Variants in IPO8 observed in about 807,000 individuals in gnomAD.
IPO8 encodes importin-8.
IPO8 carries 65 observed loss-of-function variants against 141.2 expected under a neutral mutation model. The ratio of observed to expected loss-of-function variants is 0.46; its 90% confidence interval spans 0.38 to 0.57. The LOEUF (loss-of-function observed/expected upper bound fraction) is 0.57. IPO8 is among the 20% of genes least tolerant of loss of function. The probability of loss-of-function intolerance (pLI) is 0.00; values close to 1 mark genes in which losing one functional copy is unlikely to be tolerated. For synonymous variants in IPO8, 411 were observed against 420.3 expected (o/e 0.98, Z 0.27); for missense variants, 980 against 1,246.8 (o/e 0.79, Z 3.22).
chr12:30,660,631 C>T (rs1377930694), intron 16 of IPO8, among the ~76,000 whole-genome samples: 1 of 152,138 alleles, frequency 6.6e-6, no homozygotes, highest in Non-Finnish European at 1.5e-5. Flanking sequence ...AAAGTCTTAT[C>T]CCAATAACAC....
intron 6 of IPO8, among the ~76,000 whole-genome samples, chr12:30,675,084 G>A (rs2053101793): frequency 6.6e-6 from 1 of 152,188 alleles, no homozygotes; most frequent in African/African-American, 2.4e-5. Context: ...ACAAGTGTAT[G>A]TCAAAATTCA....
In IPO8 at chr12:30,669,207, A is replaced by G. The variant is rs1362764982; in HGVS notation, c.1120T>C (p.Tyr374His). The stretch of plus-strand genomic sequence containing the variant: ...CCAAATTTCATCCTTATATACTCAT[A>G]TGGATCTTCTTGCCACAGCTCTTCA... Reference protein sequence around the residue: ...EDEELWQEDPYEYIRMKFDIF... With the variant: ...EDEELWQEDPHEYIRMKFDIF... Residue 374 changes from tyrosine to histidine, a missense_variant, in exon 10 of 25, where the codon TAT (tyrosine) becomes CAT (histidine). Transcript: ENST00000256079. 2 of 1,582,192 alleles carry G rather than the reference A, an allele frequency of 1.3e-6. No homozygotes were observed. The highest frequency in any genetic ancestry group is 4.5e-5 in the East Asian group (2 of 44,600).
chr12:30,644,471 G>A (rs1158401568), intron 20 of IPO8, among the ~76,000 whole-genome samples: 2 of 151,888 alleles, frequency 1.3e-5, no homozygotes, highest in Non-Finnish European at 1.5e-5. Flanking sequence ...AAGCTTGGGG[G>A]TAGGCAGAAG....
At position 30,695,299 on chromosome 12, in the gene IPO8, T is replaced by C. The variant is rs1195322278; in HGVS notation, c.84+265A>G. 6.6e-6 allele frequency among the ~76,000 whole-genome samples: 1 copy of C among 152,208 alleles called. No homozygotes were observed. The highest frequency in any genetic ancestry group is 2.4e-5 in the African/African-American group (1 of 41,452). ...CAAAAACTGCTTCTTGCGGACCAAGTAGGCAGAACAAACTGCCCTGGAGAA... is the reference window on the plus strand; with the variant it reads ...CAAAAACTGCTTCTTGCGGACCAAGCAGGCAGAACAAACTGCCCTGGAGAA... On this transcript the variant is annotated intron_variant, in intron 1 of 24. Transcript: ENST00000256079. The surrounding 1 kb of genome is among the most constrained non-coding windows in gnomAD (Gnocchi z 4.2).
Position 30,695,095 on chromosome 12 carries a change from TC to T in IPO8, c.84+468del. ...ACTCGGCCAATCGGTGTCAAAACAG[TC>T]CTGCCAACCCGACAGGAGGAGGCGG... On this transcript the variant is annotated intron_variant, in intron 1 of 24. Transcript: ENST00000256079. This position sits in a 1 kb window ranked among gnomAD's most constrained non-coding sequence, Gnocchi z 4.2. 2 of 449,458 alleles carry T rather than the reference TC, an allele frequency of 4.4e-6. No individual in the cohort carries two copies. The highest frequency in any genetic ancestry group is 8.9e-6 in the Non-Finnish European group (2 of 224,566). The allele number at this position is 449,458 out of a possible 1,614,324, so 27.8% of individuals were successfully genotyped here. A position where few individuals can be genotyped will look rare whatever the true frequency, so the allele number is the denominator to read the frequency against.
At chr12:30,653,157 C>T (rs908705812) in intron 17 of IPO8, 65 bp from the exon 18 acceptor site, 30 of 1,490,200 alleles carry the variant, frequency 2.0e-5, no homozygotes, top group Non-Finnish European at 2.7e-5. Context: ...AAAGACCACA[C>T]AGAGGAGGGT....
chr12:30,644,913 A>G (rs1395524665), intron 20 of IPO8, among the ~76,000 whole-genome samples: 3 of 151,658 alleles, frequency 2.0e-5, no homozygotes, highest in Non-Finnish European at 2.9e-5. Flanking sequence ...TCAGCCTCCC[A>G]AAGTGCTGGG....
At chr12:30,665,357 G>A (rs749210446) in intron 12 of IPO8, 48 bp from the exon 13 acceptor site, 2 of 1,042,970 alleles carry the variant, frequency 1.9e-6, no homozygotes, top group Admixed American at 1.9e-5. Context: ...TCATACGTAA[G>A]AATCACTTCC....
At chr12:30,671,266 T>C (rs7978343) in intron 8 of IPO8, among the ~76,000 whole-genome samples, 170 bp from the exon 9 acceptor site, 82,983 of 151,916 alleles carry the variant, frequency 0.55, 23,264 homozygotes, top group African/African-American at 0.67. Flanking sequence ...AATTATTAGA[T>C]AGGTCCATGT....
At chr12:30,637,552 A>C (rs1310092688) in intron 21 of IPO8, among the ~76,000 whole-genome samples, 2 of 152,194 alleles carry the variant, frequency 1.3e-5, no homozygotes, top group Non-Finnish European at 2.9e-5. Context: ...AGAGTTTCTT[A>C]GACTCTTCCA....
chr12:30,665,210 A>G lies in IPO8; in HGVS notation c.1428+10T>C, dbSNP rs768243712. 4.2e-6 allele frequency: 6 copies of G among 1,424,634 alleles called. No individual in the cohort carries two copies. In the East Asian group the frequency reaches 1.4e-4, roughly 33 times the overall value. The allele number at this position is 1,424,634 out of a possible 1,614,324, so 88.2% of individuals were successfully genotyped here. On this transcript the variant is annotated intron_variant, in intron 13 of 24. Coordinates refer to ENST00000256079, the MANE Select transcript of IPO8 (RefSeq NM_006390.4). ...ATTTAAGATACATAACAGAAATATG[A>G]AAAACTTACTCTAGCTCGAAGATAT...
intron 22 of IPO8, among the ~76,000 whole-genome samples, chr12:30,635,421 CATAAATAT>C (rs2052488378): frequency 6.6e-6 from 1 of 151,866 alleles, no homozygotes; most frequent in Non-Finnish European, 1.5e-5. Context: ...CTTTGTACTC[CATAAATAT>C]ATAATTTGCT....
chr12:30,649,519 C>A (rs919543445), intron 19 of IPO8, among the ~76,000 whole-genome samples: 1 of 152,088 alleles, frequency 6.6e-6, no homozygotes, highest in African/African-American at 2.4e-5. Flanking sequence ...AACAAAACTA[C>A]AAAATGAAAT....
chr12:30,673,434 C>T (rs2053078145), intron 8 of IPO8, among the ~76,000 whole-genome samples: 1 of 152,172 alleles, frequency 6.6e-6, no homozygotes, highest in Non-Finnish European at 1.5e-5. Context: ...TCATGGACCA[C>T]TTGTCCTTTG....
At chr12:30,674,129 T>C (rs2053087872) in intron 7 of IPO8, 55 bp from the exon 8 acceptor site, 1 of 1,080,120 alleles carries the variant, frequency 9.3e-7, no homozygotes, top group East Asian at 2.4e-5. Flanking sequence ...AACAGCATGC[T>C]TGCTAATAAT....
At chr12:30,636,775 T>C (rs1351132673) in intron 22 of IPO8, among the ~76,000 whole-genome samples, 2 of 152,110 alleles carry the variant, frequency 1.3e-5, no homozygotes, top group Admixed American at 6.6e-5. Context: ...CCGCTGAGTA[T>C]ATTAGGTGTC....
rs532289554 is a variant in IPO8, at chr12:30,680,389, A to G, written c.639+93T>C. 1.1e-4 allele frequency: 109 copies of G among 966,012 alleles called. 1 individual carries two copies. The highest frequency in any genetic ancestry group is 1.0e-3 in the South Asian group (54 of 52,828). 59.8% of individuals were successfully genotyped at this position (966,012 alleles called of 1,614,324 possible). A position where few individuals can be genotyped will look rare whatever the true frequency, so the allele number is the denominator to read the frequency against. On this transcript the variant is annotated intron_variant, in intron 5 of 24. Transcript: ENST00000256079. ...AGAAATATATGGGATAATACAAAAT[A>G]ATTTTTAATAATAAGTGACACTTAT...
At position 30,665,018 on chromosome 12, in the gene IPO8, G is replaced by A. The variant is rs892295836; in HGVS notation, c.1428+202C>T. On this transcript the variant is annotated intron_variant, in intron 13 of 24. Transcript: ENST00000256079. ...GCCTCCCAAAGTGCTGGGATTACAGGCATGAGCCACTGCGCCCAGCCTATA... is the reference window on the plus strand; with the variant it reads ...GCCTCCCAAAGTGCTGGGATTACAGACATGAGCCACTGCGCCCAGCCTATA... Among the ~76,000 whole-genome samples, 6 of 152,316 alleles carry A rather than the reference G, an allele frequency of 3.9e-5. No homozygotes were observed. The East Asian group carries it at 1.2e-3, about 29-fold the overall frequency.
At chr12:30,643,369 A>G (rs1222795398) in intron 20 of IPO8, among the ~76,000 whole-genome samples, 1 of 152,232 alleles carries the variant, frequency 6.6e-6, no homozygotes, top group African/African-American at 2.4e-5. Flanking sequence ...CAATCAATAC[A>G]GTCCTTCAGC....
Sources: allele counts gnomAD v4.1 joint callset (sites outside exome capture counted in the v4.1 genomes callset), GRCh38; gene constraint gnomAD v4.1.1; non-coding constraint Gnocchi (gnomAD v3.1); transcripts MANE v1.5; gene names NCBI Gene and HGNC (gene_info 2026-07-23, HGNC 2026-07-21).